Variants in TMEM132D observed in about 807,000 individuals in gnomAD.
TMEM132D encodes the protein mature OL transmembrane protein.
Under a neutral mutation model 62.3 loss-of-function variants are expected in TMEM132D, and 21 were observed. The observed-to-expected ratio is 0.34, with a 90% CI of 0.24 to 0.49. The LOEUF (loss-of-function observed/expected upper bound fraction) is 0.49, where lower values mean the gene tolerates loss of function less well. TMEM132D is among the 20% of genes least tolerant of loss of function. The probability of loss-of-function intolerance (pLI) is 0.99; values close to 1 mark genes in which losing one functional copy is unlikely to be tolerated. For synonymous variants in TMEM132D, 621 were observed against 575.6 expected (o/e 1.08, Z -1.13); for missense variants, 1,346 against 1,402.8 (o/e 0.96, Z 0.65).
At chr12:129,258,362 CAT>C (rs1379925845) in intron 4 of TMEM132D, among the ~76,000 whole-genome samples, 1 of 152,090 alleles carries the variant, frequency 6.6e-6, no homozygotes, top group Non-Finnish European at 1.5e-5. Context: ...ATCAAGCACA[CAT>C]ATTTGTGGAA....
intron 2 of TMEM132D, among the ~76,000 whole-genome samples, chr12:129,594,355 C>A (rs552184704): frequency 1.7e-4 from 26 of 152,298 alleles, no homozygotes; most frequent in Non-Finnish European, 3.5e-4. Flanking sequence ...TGCACACTAA[C>A]GTCACATCAA....
chr12:129,275,773 G>A (rs1880989268), intron 4 of TMEM132D, among the ~76,000 whole-genome samples: 1 of 152,188 alleles, frequency 6.6e-6, no homozygotes, highest in South Asian at 2.1e-4. Context: ...ACCATCTAGA[G>A]GTGTCCCAGA....
intron 5 of TMEM132D, among the ~76,000 whole-genome samples, chr12:129,204,950 C>T (rs532716627): frequency 5.2e-4 from 79 of 152,246 alleles, no homozygotes; most frequent in South Asian, 3.7e-3. Context: ...GAGAAATAAG[C>T]CCCTTTTTCA....
At chr12:129,702,746 TCA>T (rs749001925) in intron 1 of TMEM132D, among the ~76,000 whole-genome samples, 1 of 152,240 alleles carries the variant, frequency 6.6e-6, no homozygotes, top group Non-Finnish European at 1.5e-5. Flanking sequence ...TCTGCTGTAT[TCA>T]CAGTCTTTAA....
chr12:129,769,154 T>C (rs1015011391), intron 1 of TMEM132D, among the ~76,000 whole-genome samples: 2 of 152,166 alleles, frequency 1.3e-5, no homozygotes, highest in African/African-American at 4.8e-5. Flanking sequence ...AGCCTGAAGT[T>C]GGTGCCCCCT....
At chr12:129,498,063 T>A (rs906804443) in intron 3 of TMEM132D, among the ~76,000 whole-genome samples, 4 of 152,026 alleles carry the variant, frequency 2.6e-5, no homozygotes, top group Non-Finnish European at 5.9e-5. Flanking sequence ...GAAAAAAAAA[T>A]TCACACTAAC....
chr12:129,551,666 G>A (rs558090785), intron 2 of TMEM132D, among the ~76,000 whole-genome samples: 5 of 152,216 alleles, frequency 3.3e-5, no homozygotes, highest in South Asian at 2.1e-4. Flanking sequence ...CAGCTCCCAC[G>A]ATTCATGGAG....
At chr12:129,248,311 C>T (rs981746768) in intron 4 of TMEM132D, among the ~76,000 whole-genome samples, 132 of 152,184 alleles carry the variant, frequency 8.7e-4, no homozygotes, top group African/African-American at 3.1e-3. Flanking sequence ...TAACTGAACT[C>T]TCACGAAAGG....
intron 2 of TMEM132D, among the ~76,000 whole-genome samples, chr12:129,681,011 C>T (rs1230919357): frequency 6.6e-6 from 1 of 152,166 alleles, no homozygotes; most frequent in Non-Finnish European, 1.5e-5. Context: ...CTATCAGTGG[C>T]TTCAATTGAC....
chr12:129,672,812 A>G (rs2137201066), intron 2 of TMEM132D, among the ~76,000 whole-genome samples: 1 of 152,320 alleles, frequency 6.6e-6, no homozygotes, highest in African/African-American at 2.4e-5. Flanking sequence ...CAATGGCACT[A>G]TCTCGGCTCA....
At chr12:129,801,427 C>T (rs537814588) in intron 1 of TMEM132D, among the ~76,000 whole-genome samples, 1 of 151,644 alleles carries the variant, frequency 6.6e-6, no homozygotes, top group Admixed American at 6.6e-5. Context: ...AGCAGGGGCA[C>T]ACTGACACCT....
At chr12:129,157,934 G>C (rs1236040730) in intron 5 of TMEM132D, among the ~76,000 whole-genome samples, 2 of 152,152 alleles carry the variant, frequency 1.3e-5, no homozygotes, top group Non-Finnish European at 2.9e-5. Flanking sequence ...TGCTGGTGGA[G>C]GTATTGTTCA....
intron 2 of TMEM132D, among the ~76,000 whole-genome samples, chr12:129,602,048 T>C (rs1054558552): frequency 2.6e-5 from 4 of 152,182 alleles, no homozygotes; most frequent in African/African-American, 9.7e-5. Flanking sequence ...GGTATAATAA[T>C]GATTTATTTG....
chr12:129,329,487 G>A (rs1869036997), intron 4 of TMEM132D, among the ~76,000 whole-genome samples: 1 of 152,140 alleles, frequency 6.6e-6, no homozygotes, highest in Non-Finnish European at 1.5e-5. Context: ...CCAAGAATCT[G>A]CTTTTATGCC....
chr12:129,733,128 A>G (rs778834536), intron 1 of TMEM132D, among the ~76,000 whole-genome samples: 1 of 152,148 alleles, frequency 6.6e-6, no homozygotes, highest in Non-Finnish European at 1.5e-5. Flanking sequence ...GTGCCTAGTG[A>G]ATTTCTCGTC....
At chr12:129,842,258 T>C (rs1440955713) in intron 1 of TMEM132D, among the ~76,000 whole-genome samples, 4 of 152,054 alleles carry the variant, frequency 2.6e-5, no homozygotes, top group Non-Finnish European at 4.4e-5. Context: ...AGCACTCCTG[T>C]GTTTTCACCT....
At chr12:129,695,713 C>CT (rs1306462885) in intron 2 of TMEM132D, among the ~76,000 whole-genome samples, 2 of 152,238 alleles carry the variant, frequency 1.3e-5, no homozygotes, top group Non-Finnish European at 2.9e-5. Flanking sequence ...GCACAGCCAG[C>CT]TAGTAGACAG....
At chr12:129,128,499 A>C (rs934301261) in intron 5 of TMEM132D, among the ~76,000 whole-genome samples, 5 of 152,142 alleles carry the variant, frequency 3.3e-5, no homozygotes, top group Non-Finnish European at 7.3e-5. Context: ...TCACTCATTA[A>C]CATGAAAACA....
intron 1 of TMEM132D, among the ~76,000 whole-genome samples, chr12:129,818,448 CTA>C (rs1180675936): frequency 1.4e-4 from 17 of 118,410 alleles, no homozygotes; most frequent in South Asian, 1.1e-3. Context: ...GGGTGTGTGT[CTA>C]TGTGTGTATC....
Sources: allele counts gnomAD v4.1 joint callset (sites outside exome capture counted in the v4.1 genomes callset), GRCh38; gene constraint gnomAD v4.1.1; transcripts MANE v1.5; gene names NCBI Gene and HGNC (gene_info 2026-07-23, HGNC 2026-07-21).